Variants in PUM2 observed in about 807,000 individuals in gnomAD.
The protein encoded by PUM2 is pumilio homolog 2.
A neutral mutation model predicts 124.5 loss-of-function variants in PUM2; 57 were observed. The ratio of observed to expected loss-of-function variants is 0.46; its 90% CI spans 0.37 to 0.57. The LOEUF (loss-of-function observed/expected upper bound fraction) is 0.57, where lower values mean the gene tolerates loss of function less well. PUM2 is among the 20% of genes least tolerant of loss of function. The probability of loss-of-function intolerance (pLI) is 0.00; values close to 1 mark genes in which losing one functional copy is unlikely to be tolerated. For synonymous variants in PUM2, 460 were observed against 446.1 expected, an observed-to-expected ratio of 1.03 and a Z score of -0.39; for missense variants, 1,065 against 1,290.6, an observed-to-expected ratio of 0.83 and a Z score of 2.68.
chr2:20,341,492 T>A (rs937652561), intron 1 of PUM2, among the ~76,000 whole-genome samples: 1 of 152,206 alleles, frequency 6.6e-6, no homozygotes, highest in Non-Finnish European at 1.5e-5. Context: ...AGGGGGGCAA[T>A]GTATGACTAC....
chr2:20,295,226 T>A (rs1010866225), intron 8 of PUM2, among the ~76,000 whole-genome samples: 2 of 152,202 alleles, frequency 1.3e-5, no homozygotes, highest in African/African-American at 4.8e-5. Flanking sequence ...AGATAATATT[T>A]GATTCCTAGA....
chr2:20,325,243 T>TA lies in PUM2; in HGVS notation c.51+2066dup, dbSNP rs1183254283. On this transcript the variant is annotated intron_variant, in intron 2 of 20. Coordinates refer to ENST00000361078, the MANE Select transcript of PUM2 (RefSeq NM_015317.5). The stretch of plus-strand genomic sequence containing the variant: ...TGTTAGTGCTTAAACTGTTAAGAAA[T>TA]AAACTAATGAGAGCATCTTAAAATA... Among the ~76,000 whole-genome samples, 6 of 152,290 alleles carry TA rather than the reference T, an allele frequency of 3.9e-5. No individual in the cohort carries two copies. In the East Asian group the frequency reaches 1.2e-3, roughly 29 times the overall value.
intron 18 of PUM2, 46 bp downstream of exon 18, chr2:20,255,170 A>G (rs748383000): frequency 3.2e-6 from 5 of 1,545,578 alleles, no homozygotes; most frequent in Non-Finnish European, 4.4e-6. Flanking sequence ...AATTAAAACA[A>G]TTTCCAAAAA....
At chr2:20,307,665 A>G (rs185067098) in intron 7 of PUM2, among the ~76,000 whole-genome samples, 1 of 152,352 alleles carries the variant, frequency 6.6e-6, no homozygotes, top group East Asian at 1.9e-4. Context: ...GTAAATGAAC[A>G]TACTGACTTG....
chr2:20,302,177 C>T (rs895360515), intron 7 of PUM2, among the ~76,000 whole-genome samples: 6 of 152,126 alleles, frequency 3.9e-5, no homozygotes, highest in Non-Finnish European at 8.8e-5. Flanking sequence ...CCTCCAGTAG[C>T]GGAGAATAAA....
intron 1 of PUM2, among the ~76,000 whole-genome samples, chr2:20,332,282 A>T (rs1376012056): frequency 2.1e-5 from 3 of 145,372 alleles, no homozygotes; most frequent in Non-Finnish European, 3.0e-5. Flanking sequence ...ATACTACTAG[A>T]GTGTGTGTGT....
intron 13 of PUM2, among the ~76,000 whole-genome samples, chr2:20,277,267 T>C (rs540737053): frequency 6.6e-6 from 1 of 152,226 alleles, no homozygotes; most frequent in South Asian, 2.1e-4. Context: ...AGGCATGTCT[T>C]ATGAAGGGAG....
Position 20,278,697 on chromosome 2 carries a change from A to G in PUM2, c.1843T>C (p.Phe615Leu). The G allele has an allele frequency of 6.2e-7, 1 of 1,613,534 alleles. No individual in the cohort carries two copies. Among genetic ancestry groups the G allele is most frequent in the South Asian group, 1.1e-5 (1 of 91,058 alleles). Residue 615 changes from phenylalanine to leucine, a missense_variant, in exon 13 of 21, where the codon TTT becomes CTT. This residue lies in a region of PUM2 where 968 missense variants were observed against 1,159.8 expected (regional missense o/e 0.83). Transcript: ENST00000361078. ...IGQPFYNSLG[F>L]SSSPSPIGMP... ...CCTATTGGACTTGGAGAGGAGGAAA[A>G]TCCCAGACTATTGTAAAATGGTTGC...
At chr2:20,290,299 GC>G (rs1212412394) in intron 10 of PUM2, among the ~76,000 whole-genome samples, 1 of 152,188 alleles carries the variant, frequency 6.6e-6, no homozygotes, top group East Asian at 1.9e-4. Flanking sequence ...TTCTTATAAA[GC>G]AGGAGTGGCA....
intron 3 of PUM2, among the ~76,000 whole-genome samples, chr2:20,316,909 T>C (rs574602031): frequency 2.5e-4 from 38 of 151,934 alleles, no homozygotes; most frequent in Non-Finnish European, 4.6e-4. Flanking sequence ...CGAGCACCTA[T>C]TATCCCAGCT....
chr2:20,272,187 G>GAATGAATGAATA (rs1459645366), intron 13 of PUM2, among the ~76,000 whole-genome samples: 59 of 147,508 alleles, frequency 4.0e-4, no homozygotes, highest in East Asian at 2.3e-3. Flanking sequence ...ATGAATGAAT[G>GAATGAATGAATA]AATAAATAAA....
Position 20,350,334 on chromosome 2 carries a change from C to T in PUM2, c.-19+263G>A, listed in dbSNP as rs566979030. 7 of 458,192 alleles carry T rather than the reference C, an allele frequency of 1.5e-5. 1 individual carries two copies. In the South Asian group the frequency reaches 6.3e-4, roughly 42 times the overall value. 28.4% of individuals were successfully genotyped at this position (458,192 alleles called of 1,614,324 possible). On this transcript the variant is annotated intron_variant, in intron 1 of 20. Transcript: ENST00000361078. Reference sequence around the variant, plus strand: ...GAACCGGGTCGGCGCCCCACGCCCCCGAGGCGGCGGCCCCGCAGAGGGAAG... The same window carrying T: ...GAACCGGGTCGGCGCCCCACGCCCCTGAGGCGGCGGCCCCGCAGAGGGAAG...
intron 10 of PUM2, 98 bp from the exon 11 acceptor site, chr2:20,283,584 C>G: frequency 2.5e-6 from 3 of 1,181,986 alleles, no homozygotes; most frequent in Non-Finnish European, 3.6e-6. Context: ...GACAACACAG[C>G]TATTTGTACC....
chr2:20,329,232 T>C (rs1271952503), intron 1 of PUM2, among the ~76,000 whole-genome samples: 2 of 146,602 alleles, frequency 1.4e-5, no homozygotes, highest in East Asian at 2.0e-4. Flanking sequence ...TATTTGGTCA[T>C]AGGATGACCA....
At chr2:20,306,118 T>A (rs895573708) in intron 7 of PUM2, among the ~76,000 whole-genome samples, 1 of 151,938 alleles carries the variant, frequency 6.6e-6, no homozygotes, top group Non-Finnish European at 1.5e-5. Flanking sequence ...GGCGAGAGGA[T>A]CACTTGAGCC....
In PUM2 at chr2:20,311,563, T is replaced by A; in HGVS notation, c.449A>T (p.Asp150Val). 6.2e-7 allele frequency: 1 copy of A among 1,613,494 alleles called. No homozygotes were observed. The highest frequency in any genetic ancestry group is 2.2e-5 in the East Asian group (1 of 44,846). The change falls in exon 5 of 21, where the codon GAT (aspartate) becomes GTT (valine). Residue 150 changes from aspartate to valine, a missense_variant. Transcript: ENST00000361078. ...EDQNRDLKQGDDDDSKINGRG... is the reference protein window; with the variant it reads ...EDQNRDLKQGVDDDSKINGRG... ...GCCATTTATTTTAGAATCATCATCA[T>A]CTCCTTGTTTAAGATCTCTGTTTTG...
chr2:20,303,337 C>G (rs1572820242), intron 7 of PUM2, among the ~76,000 whole-genome samples: 1 of 151,318 alleles, frequency 6.6e-6, no homozygotes, highest in Non-Finnish European at 1.5e-5. Flanking sequence ...CCTGGGAGGT[C>G]GAGGCTGCAA....
Position 20,283,476 on chromosome 2 carries a change from T to C in PUM2, c.1302A>G (p.Val434=). The C allele has an allele frequency of 6.2e-7, 1 of 1,609,902 alleles. No homozygotes were observed. Among genetic ancestry groups the C allele is most frequent in the Non-Finnish European group, 8.5e-7 (1 of 1,178,082 alleles). The part of the protein sequence containing the change: ...GLATGMPGYQ[V]LAPTAYYDQT... Reference sequence around the variant, plus strand: ...GATCATAATAGGCAGTTGGAGCTAGTACTTGATAGCCTAAATAAAATAAAG... The same window carrying C: ...GATCATAATAGGCAGTTGGAGCTAGCACTTGATAGCCTAAATAAAATAAAG... The change falls in exon 11 of 21, where the codon GTA becomes GTG. Residue 434 remains valine, a synonymous_variant. Transcript: ENST00000361078.
chr2:20,270,245 C>T (rs1409926730), intron 13 of PUM2, among the ~76,000 whole-genome samples: 2 of 152,134 alleles, frequency 1.3e-5, no homozygotes, highest in Non-Finnish European at 1.5e-5. Flanking sequence ...TTGGTTAATA[C>T]ATTTGGTAAT....
Sources: gnomAD v4.1 joint callset for allele counts (sites outside exome capture counted in the v4.1 genomes callset) on GRCh38, gnomAD v4.1.1 for gene constraint, gnomAD v4.1.1 regional missense constraint, MANE v1.5 for transcripts, NCBI Gene and HGNC (gene_info 2026-07-23, HGNC 2026-07-21) for gene names.